AGMAT: variants seen among roughly 807,000 people sequenced by gnomAD.
The protein encoded by AGMAT is agmatinase (putative).
In AGMAT, 37 loss-of-function variants were observed where a neutral mutation model predicts 29.3. The ratio of observed to expected loss-of-function variants is 1.26; its 90% CI spans 0.97 to 1.66. The LOEUF is 1.66. Among genes scored for constraint, AGMAT ranks in the 40% most tolerant of loss-of-function variants. The pLI is 0.00. For missense variants in AGMAT, 498 were observed against 497.8 expected, an observed-to-expected ratio of 1.00 and a Z score of 0.00; for synonymous variants, 199 against 200.8, an observed-to-expected ratio of 0.99 and a Z score of 0.08.
chr1:15,579,107 C>T, intron 3 of AGMAT, 53 bp from the exon 4 acceptor site: 4 of 1,566,382 alleles, frequency 2.6e-6, no homozygotes, highest in Non-Finnish European at 3.5e-6. Context: ...GGCCCTAGCA[C>T]AGCCACCCTT....
intron 1 of AGMAT, among the ~76,000 whole-genome samples, chr1:15,583,799 G>A (rs1639147635): frequency 1.3e-5 from 2 of 152,172 alleles, no homozygotes; most frequent in South Asian, 4.1e-4. Flanking sequence ...TCTATGCAAA[G>A]CACCTTGCAC....
intron 3 of AGMAT, among the ~76,000 whole-genome samples, chr1:15,579,738 G>A (rs1639087746): frequency 6.6e-6 from 1 of 152,198 alleles, no homozygotes; most frequent in Non-Finnish European, 1.5e-5. Flanking sequence ...CCACCATTGT[G>A]CCTGTCAGTG....
rs573637851 is a variant in AGMAT at position 15,573,241 on chromosome 1, A to C, written c.*410T>G. 6.4e-6 allele frequency: 1 copy of C among 155,604 alleles called. No homozygotes were observed. Among genetic ancestry groups the C allele is most frequent in the Non-Finnish European group, 1.4e-5 (1 of 70,758 alleles). 9.6% of individuals were successfully genotyped at this position (155,604 alleles called of 1,614,324 possible). A position where few individuals can be genotyped will look rare whatever the true frequency, so the allele number is the denominator to read the frequency against. Reference sequence around the variant, plus strand: ...GCCATTGCACTCCAGCCTGGGTGACAAGCAAAACTCTATCTCAAAAAAAAA... The same window carrying C: ...GCCATTGCACTCCAGCCTGGGTGACCAGCAAAACTCTATCTCAAAAAAAAA... On this transcript the variant is annotated 3_prime_UTR_variant, in exon 7 of 7. Transcript: ENST00000375826.
At chr1:15,580,859 C>T (rs113177297) in intron 2 of AGMAT, among the ~76,000 whole-genome samples, 48,876 of 151,432 alleles carry the variant, frequency 0.32, 9,349 homozygotes, top group African/African-American at 0.53. Context: ...CCTGTAATCC[C>T]GGCTACTCTG....
At chr1:15,584,298 A>G (rs1287582870) in intron 1 of AGMAT, among the ~76,000 whole-genome samples, 1 of 140,542 alleles carries the variant, frequency 7.1e-6, no homozygotes. Context: ...CCGCGCCACC[A>G]TGCCCGGCTT....
At chr1:15,583,547 C>T (rs1298271552) in intron 1 of AGMAT, 152 bp from the exon 2 acceptor site, 1 of 763,682 alleles carries the variant, frequency 1.3e-6, no homozygotes, top group Non-Finnish European at 2.1e-6. Context: ...CCGGCCTGTA[C>T]TCACTAGGTG....
At position 15,584,717 on chromosome 1, in the gene AGMAT, G is replaced by A; in HGVS notation, c.251C>T (p.Thr84Ile). The A allele has an allele frequency of 1.5e-6, 2 of 1,334,064 alleles. No individual in the cohort carries two copies. Among genetic ancestry groups the A allele is most frequent in the Non-Finnish European group, 1.9e-6 (2 of 1,036,742 alleles). The allele number at this position is 1,334,064 out of a possible 1,614,324, so 82.6% of individuals were successfully genotyped here. A position where few individuals can be genotyped will look rare whatever the true frequency, so the allele number is the denominator to read the frequency against. ...AFIGVPLDTG[T>I]SNRPGARFGP... ...TTACCTCGCCCCAGGCCGGTTGGAG[G>A]TCCCAGTATCCAGGGGCACCCCGAT... The change falls in exon 1 of 7, where the codon ACC (threonine) becomes ATC (isoleucine). Residue 84 changes from threonine to isoleucine, a missense_variant. Transcript: ENST00000375826.
chr1:15,584,861 G>GC lies in AGMAT; in HGVS notation c.106dup (p.Ala36GlyfsTer75). The GC allele has an allele frequency of 3.5e-6, 5 of 1,418,582 alleles. No homozygotes were observed. The highest frequency in any genetic ancestry group is 4.6e-6 in the Non-Finnish European group (5 of 1,091,930). The allele number at this position is 1,418,582 out of a possible 1,614,324, so 87.9% of individuals were successfully genotyped here. ...GGGCTGGTTCCGGGGCGCGTCGGAAGCCTGGCGGCTCTGGCGGCGCCCCGG... is the reference window on the plus strand; with the variant it reads ...GGGCTGGTTCCGGGGCGCGTCGGAAGCCCTGGCGGCTCTGGCGGCGCCCCGG... On this transcript the variant is annotated frameshift_variant, in exon 1 of 7. Transcript: ENST00000375826. LOFTEE classifies it high-confidence loss of function.
At chr1:15,582,265 T>G (rs1639125669) in intron 2 of AGMAT, among the ~76,000 whole-genome samples, 1 of 148,806 alleles carries the variant, frequency 6.7e-6, no homozygotes, top group Non-Finnish European at 1.5e-5. Flanking sequence ...AAATTCTGTC[T>G]CAAAAAAAAA....
intron 2 of AGMAT, among the ~76,000 whole-genome samples, chr1:15,582,796 AAGACCAGCC>A (rs1256715301): frequency 2.6e-5 from 4 of 152,102 alleles, no homozygotes; most frequent in Non-Finnish European, 5.9e-5. Flanking sequence ...TCAGGAGTTC[AAGACCAGCC>A]TGGCCAACAT....
At chr1:15,583,823 A>G (rs1639147790) in intron 1 of AGMAT, among the ~76,000 whole-genome samples, 1 of 152,226 alleles carries the variant, frequency 6.6e-6, no homozygotes, top group Non-Finnish European at 1.5e-5. Flanking sequence ...GGAGACATTT[A>G]ATAAGTGCTG....
At chr1:15,574,720 C>T (rs767091014) in intron 6 of AGMAT, 37 bp downstream of exon 6, 65 of 1,560,222 alleles carry the variant, frequency 4.2e-5, no homozygotes, top group Non-Finnish European at 5.0e-5. Context: ...TTTAAGCTAC[C>T]GGCTGCCCAT....
In AGMAT at chr1:15,583,278, A is replaced by T. The variant is rs1464828705; in HGVS notation, c.390T>A (p.Asn130Lys). ...MVADLGDVNV[N>K]LYNLQDSCRR... ...GGCAGCTGTCCTGAAGGTTGTAAAGATTGACATTCACATCGCCTAGGTCTG... is the reference window on the plus strand; with the variant it reads ...GGCAGCTGTCCTGAAGGTTGTAAAGTTTGACATTCACATCGCCTAGGTCTG... The change falls in exon 2 of 7, where the codon AAT becomes AAA. Residue 130 changes from asparagine to lysine, a missense_variant. Physicochemically the swap from Asn to Lys is moderately conservative, Grantham distance 94 (BLOSUM62 0). Transcript: ENST00000375826. 1 of 1,614,050 alleles carries T rather than the reference A, an allele frequency of 6.2e-7. No individual in the cohort carries two copies. Among genetic ancestry groups the T allele is most frequent in the African/African-American group, 1.3e-5 (1 of 74,934 alleles).
intron 2 of AGMAT, among the ~76,000 whole-genome samples, chr1:15,581,775 T>G (rs1157639286): frequency 6.6e-6 from 1 of 151,778 alleles, no homozygotes; most frequent in African/African-American, 2.4e-5. Flanking sequence ...TTCAGGAGGC[T>G]GAGGCAGGAG....
chr1:15,583,730 TCA>T (rs1491586876), intron 1 of AGMAT, among the ~76,000 whole-genome samples: 1 of 152,314 alleles, frequency 6.6e-6, no homozygotes, highest in Non-Finnish European at 1.5e-5. Context: ...TACCTGAGTC[TCA>T]GTTTCCTAAT....
intron 5 of AGMAT, 49 bp from the exon 6 acceptor site, chr1:15,574,890 G>T: frequency 6.8e-7 from 1 of 1,480,732 alleles, no homozygotes; most frequent in Non-Finnish European, 9.4e-7. Flanking sequence ...CATTTACAGT[G>T]AAAAGCACCC....
At chr1:15,579,270 T>C (rs1358259169) in intron 3 of AGMAT, among the ~76,000 whole-genome samples, 1 of 152,168 alleles carries the variant, frequency 6.6e-6, no homozygotes, top group African/African-American at 2.4e-5. Flanking sequence ...TAGACATGTT[T>C]TGGCTGCCAC....
At chr1:15,577,923 G>T (rs1016629958) in intron 4 of AGMAT, 59 bp from the exon 5 acceptor site, 2 of 1,533,824 alleles carry the variant, frequency 1.3e-6, no homozygotes, top group Admixed American at 3.5e-5. Flanking sequence ...TTTCCTGTTT[G>T]CCAGCCCCAT....
In AGMAT at chr1:15,573,622, A is replaced by T. The variant is rs376236435; in HGVS notation, c.*29T>A. The T allele has an allele frequency of 6.8e-6, 11 of 1,607,674 alleles. 1 individual carries two copies. The highest frequency in any genetic ancestry group is 4.4e-5 in the South Asian group (4 of 90,940). On this transcript the variant is annotated 3_prime_UTR_variant, in exon 7 of 7. Transcript: ENST00000375826. The stretch of plus-strand genomic sequence containing the variant: ...CTTCTTGAGAACTTGTCAGCGACGC[A>T]ATCTGTTTTGTCTTGAAGAGCACAA...
Sources: gnomAD v4.1 joint callset for allele counts (sites outside exome capture counted in the v4.1 genomes callset) on GRCh38, gnomAD v4.1.1 for gene constraint, MANE v1.5 for transcripts, NCBI Gene and HGNC (gene_info 2026-07-23, HGNC 2026-07-21) for gene names.